Variants in MAPK6 observed in about 807,000 individuals in gnomAD.
MAPK6 encodes mitogen-activated protein kinase 6.
A neutral mutation model predicts 59.3 loss-of-function variants in MAPK6; 19 were observed. The ratio of observed to expected loss-of-function variants is 0.32; its 90% CI spans 0.22 to 0.47. The LOEUF (loss-of-function observed/expected upper bound fraction) is 0.47, where lower values mean the gene tolerates loss of function less well. Among genes scored for constraint, MAPK6 ranks in the 20% least tolerant of loss-of-function variants. The pLI, the probability that MAPK6 is intolerant of heterozygous loss-of-function variation, is 1.00. For missense variants in MAPK6, 724 were observed against 847.9 expected, an observed-to-expected ratio of 0.85 and a Z score of 1.81; for synonymous variants, 316 against 290.3, an observed-to-expected ratio of 1.09 and a Z score of -0.90.
At chr15:52,050,235 T>G in intron 3 of MAPK6, 98 bp downstream of exon 3, 1 of 1,072,674 alleles carries the variant, frequency 9.3e-7, no homozygotes, top group Non-Finnish European at 1.3e-6. Context: ...TAATTTGTTA[T>G]GATCTGTAAT....
chr15:51,999,832 C>T (rs1180334612), intron 2 of MAPK6, among the ~76,000 whole-genome samples: 2 of 152,010 alleles, frequency 1.3e-5, no homozygotes, highest in East Asian at 3.9e-4. Flanking sequence ...TCTGTAGAGA[C>T]AGGGTTTCAC....
At chr15:52,049,859 C>T in intron 2 of MAPK6, 134 bp from the exon 3 acceptor site, 1 of 750,046 alleles carries the variant, frequency 1.3e-6, no homozygotes, top group South Asian at 1.6e-5. Context: ...GTGATCCGCC[C>T]ACCTTGGTTT....
intron 3 of MAPK6, among the ~76,000 whole-genome samples, chr15:52,010,050 C>T (rs773861748): frequency 1.5e-4 from 23 of 152,146 alleles, no homozygotes; most frequent in African/African-American, 4.6e-4. Context: ...GGATTACAGG[C>T]GTGAGTCACC....
At chr15:52,058,597 G>A (rs749336099) in intron 3 of MAPK6, 36 bp from the exon 4 acceptor site, 37 of 1,535,290 alleles carry the variant, frequency 2.4e-5, no homozygotes, top group Non-Finnish European at 3.3e-5. Flanking sequence ...AGTAAACATT[G>A]AGGAATGTGT....
At chr15:51,987,532 T>C (rs1051560683) in intron 2 of MAPK6, among the ~76,000 whole-genome samples, 2 of 151,894 alleles carry the variant, frequency 1.3e-5, no homozygotes, top group African/African-American at 4.8e-5. Flanking sequence ...TTGAACCTAG[T>C]GTGGGGTCGG....
chr15:52,018,620 A>C (rs1050640276), upstream of MAPK6: 3 of 152,238 alleles, frequency 2.0e-5, no homozygotes, highest in South Asian at 6.2e-4. Flanking sequence ...TCCCAAATTC[A>C]AATTGTCCTA....
chr15:51,989,964 A>G (rs949321685), intron 2 of MAPK6, among the ~76,000 whole-genome samples: 5 of 152,214 alleles, frequency 3.3e-5, no homozygotes, highest in Non-Finnish European at 1.5e-5. Context: ...AGGCTACTAG[A>G]GACAAATACA....
chr15:52,054,725 T>C lies in MAPK6; in HGVS notation c.701-3908T>C, dbSNP rs575114622. ...CAAGGGTAAAGTGTACATACATATATCTATACACACACACACACACACACA... is the reference window on the plus strand; with the variant it reads ...CAAGGGTAAAGTGTACATACATATACCTATACACACACACACACACACACA... On this transcript the variant is annotated intron_variant, in intron 3 of 5. Transcript: ENST00000261845. Among the ~76,000 whole-genome samples the C allele has an allele frequency of 1.2e-3, 42 of 35,022 alleles. 1 individual carries two copies. The highest frequency in any genetic ancestry group is 3.3e-3 in the African/African-American group (40 of 12,198). 23.0% of individuals were successfully genotyped at this position (35,022 alleles called of 152,430 possible). A position where few individuals can be genotyped will look rare whatever the true frequency, so the allele number is the denominator to read the frequency against.
At chr15:51,999,497 G>A (rs530798102) in intron 2 of MAPK6, among the ~76,000 whole-genome samples, 2 of 152,132 alleles carry the variant, frequency 1.3e-5, no homozygotes, top group East Asian at 3.9e-4. Flanking sequence ...TTATTATTGA[G>A]TGAAGAGTTT....
intron 1 of MAPK6, among the ~76,000 whole-genome samples, chr15:52,034,986 G>C (rs528827943): frequency 6.3e-4 from 96 of 152,362 alleles, no homozygotes; most frequent in African/African-American, 2.3e-3. Context: ...GCAGGCATGA[G>C]CCACTGCGCC....
At chr15:51,996,803 C>G (rs767067114) in intron 2 of MAPK6, among the ~76,000 whole-genome samples, 1 of 152,052 alleles carries the variant, frequency 6.6e-6, no homozygotes, top group Non-Finnish European at 1.5e-5. Flanking sequence ...AATGATCCTC[C>G]TGCCTCAGCC....
At chr15:51,989,762 G>T (rs2057202369) in intron 2 of MAPK6, among the ~76,000 whole-genome samples, 1 of 151,860 alleles carries the variant, frequency 6.6e-6, no homozygotes, top group African/African-American at 2.4e-5. Flanking sequence ...ACCATACCTG[G>T]CTAATTTTTA....
Position 52,064,111 on chromosome 15 carries a change from A to G in MAPK6, c.1277A>G (p.Gln426Arg), listed in dbSNP as rs1160135863. 2 of 1,611,974 alleles carry G rather than the reference A, an allele frequency of 1.2e-6. No homozygotes were observed. The highest frequency in any genetic ancestry group is 1.7e-6 in the Non-Finnish European group (2 of 1,178,668). Residue 426 changes from glutamine to arginine, a missense_variant, in exon 6 of 6, where the codon CAA becomes CGA. By Grantham distance (43) the Gln-to-Arg change is conservative. Around this residue, in one of 4 missense-constraint regions of MAPK6, gnomAD observed 502 missense variants for 507.6 expected, o/e 0.99. Transcript: ENST00000261845. Reference protein sequence around the residue: ...DTNYSTEPCWQYSDHHENKYC... With the variant: ...DTNYSTEPCWRYSDHHENKYC... ...AATTACTCTACTGAGCCTTGTTGGC[A>G]ATACTCAGATCATCATGAAAACAAA...
chr15:52,061,802 T>C (rs2032214233), intron 5 of MAPK6, among the ~76,000 whole-genome samples: 1 of 152,138 alleles, frequency 6.6e-6, no homozygotes, highest in Non-Finnish European at 1.5e-5. Context: ...GTCCTTAATA[T>C]TTATATCTAT....
intron 2 of MAPK6, among the ~76,000 whole-genome samples, chr15:51,989,276 A>G (rs577256112): frequency 1.3e-5 from 2 of 151,962 alleles, no homozygotes; most frequent in African/African-American, 4.8e-5. Flanking sequence ...ACCGGATTTC[A>G]ACATGTTAGC....
At chr15:51,981,471 C>CAA (rs35487339) in intron 1 of MAPK6, among the ~76,000 whole-genome samples, 67 of 118,030 alleles carry the variant, frequency 5.7e-4, no homozygotes, top group East Asian at 1.7e-3. Flanking sequence ...GACTCCGTCT[C>CAA]AAAAAAAAAA....
chr15:52,050,237 A>T (rs1221658490), intron 3 of MAPK6, 100 bp downstream of exon 3: 2 of 1,072,756 alleles, frequency 1.9e-6, no homozygotes, highest in African/African-American at 1.6e-5. Context: ...ATTTGTTATG[A>T]TCTGTAATAC....
intron 1 of MAPK6, chr15:52,042,757 T>A (rs1412776958): frequency 2.0e-5 from 3 of 152,212 alleles, no homozygotes; most frequent in African/African-American, 7.2e-5. Context: ...TCTATAGAAC[T>A]GACTTTACAG....
At chr15:51,974,819 G>A (rs1166452375) in intron 1 of MAPK6, among the ~76,000 whole-genome samples, 1 of 150,894 alleles carries the variant, frequency 6.6e-6, no homozygotes, top group Non-Finnish European at 1.5e-5. Context: ...CCGGCTTCAA[G>A]TGATTCTCCT....
Sources: allele counts gnomAD v4.1 joint callset (sites outside exome capture counted in the v4.1 genomes callset), GRCh38; gene constraint gnomAD v4.1.1; regional missense constraint gnomAD v4.1.1; transcripts MANE v1.5; gene names NCBI Gene and HGNC (gene_info 2026-07-23, HGNC 2026-07-21).